The following CLTRN variants were observed in gnomAD, a reference collection of about 807,000 sequenced individuals.
CLTRN encodes the protein collectrin.
CLTRN carries 12 observed loss-of-function variants against 14.5 expected under a neutral mutation model. The ratio of observed to expected loss-of-function variants is 0.83; its 90% CI spans 0.53 to 1.34. CLTRN has a LOEUF of 1.34. Ranked by LOEUF, CLTRN falls within the 40% of genes most tolerant of loss-of-function variation. The pLI is 0.00. For missense variants in CLTRN, 154 were observed against 165.1 expected, an observed-to-expected ratio of 0.93 and a Z score of 0.37; for synonymous variants, 58 against 56.5, an observed-to-expected ratio of 1.03 and a Z score of -0.12.
At chrX:15,662,653 G>C (rs1415460110) in intron 2 of CLTRN, among the ~76,000 whole-genome samples, 1 of 111,483 alleles carries the variant, frequency 9.0e-6, no homozygotes, top group Admixed American at 9.5e-5. Flanking sequence ...CCACACATCT[G>C]TTTCAACATG....
intron 1 of CLTRN, among the ~76,000 whole-genome samples, chrX:15,671,844 GCACACACACACA>G (rs199900262): frequency 0.015 from 1,341 of 90,033 alleles, 23 homozygotes; most frequent in African/African-American, 0.05. Flanking sequence ...TTTTATGCGC[GCACACACACACA>G]CACACACACA....
chrX:15,644,948 G>C lies in CLTRN; in HGVS notation c.285C>G (p.Thr95=), dbSNP rs768387827. 8.3e-7 allele frequency: 1 copy of C among 1,204,904 alleles called. No individual in the cohort carries two copies. The highest frequency in any genetic ancestry group is 1.1e-6 in the Non-Finnish European group (1 of 892,377). The change falls in exon 4 of 6, where the codon ACC becomes ACG. Residue 95 remains threonine (T), a synonymous_variant. Transcript: ENST00000380342. ...CTGATTGCACCTCAACAGCAGGAAG[G>C]GTGTGATTTTTTGAAGGGTCTGTAA... The part of the protein sequence containing the change: ...FVVTDPSKNH[T]LPAVEVQSAI...
intron 2 of CLTRN, among the ~76,000 whole-genome samples, chrX:15,663,979 G>A: frequency 8.9e-6 from 1 of 111,813 alleles, no homozygotes; most frequent in Non-Finnish European, 1.9e-5. Context: ...GAAAATCGAG[G>A]CTAACAAAAT....
chrX:15,642,123 T>A (rs771248410), intron 4 of CLTRN, among the ~76,000 whole-genome samples: 1 of 112,333 alleles, frequency 8.9e-6, no homozygotes, highest in Non-Finnish European at 1.9e-5. Flanking sequence ...AAATGAGAAG[T>A]TGCTCTGCAT....
chrX:15,646,473 C>CCCCCCCCCCCCCCCAA, intron 3 of CLTRN: 4 of 258,332 alleles, frequency 1.5e-5, no homozygotes, highest in South Asian at 3.5e-5. Flanking sequence ...CCCCCCCGCC[C>CCCCCCCCCCCCCCCAA]GACCCCCGCG....
intron 5 of CLTRN, among the ~76,000 whole-genome samples, chrX:15,636,155 T>TA (rs1187578360): frequency 1.8e-5 from 2 of 111,823 alleles, no homozygotes; most frequent in Non-Finnish European, 3.8e-5. Flanking sequence ...CCTCAAAAAA[T>TA]AAAAAATAAA....
chrX:15,644,435 C>A (rs116053111), intron 4 of CLTRN, among the ~76,000 whole-genome samples: 4,334 of 111,451 alleles, frequency 0.039, 204 homozygotes, highest in African/African-American at 0.13. Flanking sequence ...CTTGAAGTCT[C>A]CTTGAAAAAG....
intron 3 of CLTRN, among the ~76,000 whole-genome samples, chrX:15,658,056 G>A (rs760483634): frequency 9.0e-6 from 1 of 111,444 alleles, no homozygotes; most frequent in East Asian, 2.8e-4. Context: ...TTGTACAGAT[G>A]GGAGACCAAA....
intron 3 of CLTRN, among the ~76,000 whole-genome samples, chrX:15,656,340 G>A (rs1929361159): frequency 8.9e-6 from 1 of 112,357 alleles, no homozygotes; most frequent in African/African-American, 3.2e-5. Flanking sequence ...ATCACCCTGG[G>A]TAAAAGGTGG....
At chrX:15,644,172 A>G (rs1197702921) in intron 4 of CLTRN, among the ~76,000 whole-genome samples, 1 of 112,182 alleles carries the variant, frequency 8.9e-6, no homozygotes, top group East Asian at 2.8e-4. Context: ...TGGGCAAAAC[A>G]GAGTACTGGA....
At chrX:15,662,130 A>G (rs1452288072) in intron 2 of CLTRN, among the ~76,000 whole-genome samples, 1 of 110,856 alleles carries the variant, frequency 9.0e-6, no homozygotes, top group Non-Finnish European at 1.9e-5. Context: ...CATGGGTCAC[A>G]TAACTATTTC....
intron 3 of CLTRN, among the ~76,000 whole-genome samples, chrX:15,649,943 T>C (rs1324434793): frequency 5.6e-5 from 6 of 107,192 alleles, no homozygotes; most frequent in African/African-American, 2.1e-4. Flanking sequence ...AAGTCTACCG[T>C]GGTTATTTAA....
At chrX:15,641,542 G>A (rs1455631546) in intron 4 of CLTRN, among the ~76,000 whole-genome samples, 3 of 110,513 alleles carry the variant, frequency 2.7e-5, no homozygotes, top group African/African-American at 9.9e-5. Flanking sequence ...GAACGATCAT[G>A]GTTCATTGCA....
chrX:15,668,342 G>T (rs1260566400), upstream of CLTRN, among the ~76,000 whole-genome samples: 1 of 111,759 alleles, frequency 8.9e-6, no homozygotes, highest in African/African-American at 3.3e-5. Context: ...TCTGGCAAGT[G>T]GCTTTAAAAA....
intron 5 of CLTRN, among the ~76,000 whole-genome samples, chrX:15,632,390 C>T (rs1212366452): frequency 9.1e-6 from 1 of 109,313 alleles, no homozygotes; most frequent in African/African-American, 3.3e-5. Flanking sequence ...CCAGGCTGGC[C>T]AATATGGTGA....
At chrX:15,666,316 T>G (rs938033421), upstream of CLTRN, among the ~76,000 whole-genome samples, 3 of 111,598 alleles carry the variant, frequency 2.7e-5, no homozygotes, top group African/African-American at 9.8e-5. Context: ...AAAAGAATCT[T>G]TCCCCGGTGG....
At chrX:15,674,051 C>T (rs1266221962) in intron 1 of CLTRN, among the ~76,000 whole-genome samples, 1 of 112,257 alleles carries the variant, frequency 8.9e-6, no homozygotes, top group African/African-American at 3.2e-5. Context: ...GTTGGGGAAG[C>T]TCAGTCTGTG....
chrX:15,646,885 G>A (rs1304722522), intron 3 of CLTRN: 1 of 288,262 alleles, frequency 3.5e-6, no homozygotes, highest in African/African-American at 2.7e-5. Context: ...ATCTGCCTTC[G>A]GGTCTGTGAT....
At chrX:15,647,221 CG>C (rs1218745408) in intron 3 of CLTRN, among the ~76,000 whole-genome samples, 1 of 108,467 alleles carries the variant, frequency 9.2e-6, no homozygotes, top group Non-Finnish European at 1.9e-5. Flanking sequence ...CTACTGACCG[CG>C]GTTCTACCCC....
Sources: allele counts gnomAD v4.1 joint callset (sites outside exome capture counted in the v4.1 genomes callset), GRCh38; gene constraint gnomAD v4.1.1; transcripts MANE v1.5; gene names NCBI Gene and HGNC (gene_info 2026-07-23, HGNC 2026-07-21).